The following CHSY3 variants were observed in gnomAD, a reference collection of about 807,000 sequenced individuals.
The protein encoded by CHSY3 is chondroitin sulfate synthase 3.
Under a neutral mutation model 67.2 loss-of-function variants are expected in CHSY3, and 35 were observed. The ratio of observed to expected loss-of-function variants is 0.52; its 90% CI spans 0.40 to 0.69. The LOEUF is 0.69. Among genes scored for constraint, CHSY3 ranks in the 30% least tolerant of loss-of-function variants. The pLI, the probability that CHSY3 is intolerant of heterozygous loss-of-function variation, is 0.00. For synonymous variants in CHSY3, 474 were observed against 434.7 expected (o/e 1.09, Z -1.12); for missense variants, 1,069 against 1,138.5 (o/e 0.94, Z 0.88).
At chr5:130,015,717 C>T (rs1764200934) in intron 2 of CHSY3, among the ~76,000 whole-genome samples, 1 of 152,186 alleles carries the variant, frequency 6.6e-6, no homozygotes, top group African/African-American at 2.4e-5. Context: ...TTCAACCCAT[C>T]AATCCCATTA....
At chr5:129,951,965 A>G (rs1337705950) in intron 2 of CHSY3, among the ~76,000 whole-genome samples, 1 of 152,230 alleles carries the variant, frequency 6.6e-6, no homozygotes, top group Non-Finnish European at 1.5e-5. Context: ...AAGGAATGAC[A>G]CAATCAGCCT....
intron 2 of CHSY3, among the ~76,000 whole-genome samples, chr5:129,998,102 T>C (rs545691129): frequency 9.2e-5 from 14 of 152,310 alleles, no homozygotes; most frequent in South Asian, 2.1e-4. Context: ...TCCACAATGG[T>C]TGAACTAATT....
At chr5:130,156,402 A>G (rs1208539125) in intron 2 of CHSY3, among the ~76,000 whole-genome samples, 1 of 152,234 alleles carries the variant, frequency 6.6e-6, no homozygotes, top group East Asian at 1.9e-4. Context: ...TAGTATTTAA[A>G]TAGCAATTTG....
At position 130,183,868 on chromosome 5, in the gene CHSY3, A is replaced by G. The variant is rs556704066; in HGVS notation, c.1087-361A>G. ...TGACTATAGTTAATAACTATATTATATACTTTAAAATGCTAAAAAAAGATG... is the reference window on the plus strand; with the variant it reads ...TGACTATAGTTAATAACTATATTATGTACTTTAAAATGCTAAAAAAAGATG... On this transcript the variant is annotated intron_variant, in intron 2 of 2. Transcript: ENST00000305031. Among the ~76,000 whole-genome samples the G allele has an allele frequency of 1.1e-4, 16 of 152,094 alleles. No individual in the cohort carries two copies. In the East Asian group the frequency reaches 2.9e-3, roughly 28 times the overall value.
intron 2 of CHSY3, among the ~76,000 whole-genome samples, chr5:129,985,535 C>T (rs9986267): frequency 0.53 from 80,799 of 151,306 alleles, 21,880 homozygotes; most frequent in Non-Finnish European, 0.59. Context: ...AAATGAATTT[C>T]TGAATTATTT....
At position 129,931,593 on chromosome 5, in the gene CHSY3, AGATGTGTAGGT is replaced by A. The variant is rs547584050; in HGVS notation, c.1086+23239_1086+23249del. ...AGTGGCTTTTGCTTTTCAATTTTCC[AGATGTGTAGGT>A]GATGTATAGGTGATGTATAGATATA... On this transcript the variant is annotated intron_variant, in intron 2 of 2. Transcript: ENST00000305031. Among the ~76,000 whole-genome samples, 36 of 152,252 alleles carry A rather than the reference AGATGTGTAGGT, an allele frequency of 2.4e-4. No individual in the cohort carries two copies. The East Asian group carries it at 6.2e-3, about 26-fold the overall frequency.
At position 129,965,241 on chromosome 5, in the gene CHSY3, G is replaced by A. The variant is rs560059868; in HGVS notation, c.1086+56881G>A. On this transcript the variant is annotated intron_variant, in intron 2 of 2. Transcript: ENST00000305031. ...CTGGGAAACACTGCCATTTGACATT[G>A]GGGAAGTGATGTTACCTCTTTAGAA... Among the ~76,000 whole-genome samples, 3 of 151,994 alleles carry A rather than the reference G, an allele frequency of 2.0e-5. No individual in the cohort carries two copies. In the South Asian group the frequency reaches 6.2e-4, roughly 31 times the overall value.
intron 2 of CHSY3, among the ~76,000 whole-genome samples, chr5:130,089,655 A>C (rs565031508): frequency 6.6e-6 from 1 of 152,278 alleles, no homozygotes; most frequent in Admixed American, 6.5e-5. Context: ...GAGAAACATG[A>C]TACATGAAAC....
At chr5:130,063,576 T>C (rs1364612196) in intron 2 of CHSY3, among the ~76,000 whole-genome samples, 3 of 152,208 alleles carry the variant, frequency 2.0e-5, no homozygotes, top group Non-Finnish European at 4.4e-5. Context: ...ACTCTCTTTT[T>C]ATAAATTTAG....
intron 2 of CHSY3, among the ~76,000 whole-genome samples, chr5:130,015,276 C>A (rs1308949622): frequency 1.3e-5 from 2 of 152,160 alleles, no homozygotes; most frequent in African/African-American, 4.8e-5. Context: ...GCCTCCCATA[C>A]AGCCTGTGGA....
At chr5:129,951,519 C>T (rs546196869) in intron 2 of CHSY3, among the ~76,000 whole-genome samples, 1 of 152,194 alleles carries the variant, frequency 6.6e-6, no homozygotes, top group Admixed American at 6.5e-5. Context: ...CTGTAAATTG[C>T]TTTTTTTAAA....
chr5:129,923,245 GATA>G (rs751435284), intron 2 of CHSY3, among the ~76,000 whole-genome samples: 1 of 151,854 alleles, frequency 6.6e-6, no homozygotes, highest in African/African-American at 2.4e-5. Context: ...GGATTTGGAT[GATA>G]ATAATATTCC....
chr5:130,055,639 G>GTA (rs1299764228), intron 2 of CHSY3, among the ~76,000 whole-genome samples: 1 of 152,018 alleles, frequency 6.6e-6, no homozygotes, highest in Non-Finnish European at 1.5e-5. Flanking sequence ...CACCCTAGTA[G>GTA]TATATATATG....
In CHSY3 at chr5:130,185,708, A is replaced by C. The variant is rs143863397; in HGVS notation, c.2566A>C (p.Ser856Arg). 2.0e-4 allele frequency: 329 copies of C among 1,613,718 alleles called. No homozygotes were observed. The highest frequency in any genetic ancestry group is 2.7e-4 in the Non-Finnish European group (314 of 1,179,860). ...QYKMCLGSKA[S>R]TFASTMQLAE... is the part of the protein sequence containing the mutation. Reference sequence around the variant, plus strand: ...TAAGATGTGCTTAGGATCCAAGGCAAGTACTTTCGCCTCAACCATGCAACT... The same window carrying C: ...TAAGATGTGCTTAGGATCCAAGGCACGTACTTTCGCCTCAACCATGCAACT... Residue 856 changes from serine to arginine, a missense_variant, in exon 3 of 3, where the codon AGT (serine) becomes CGT (arginine). Transcript: ENST00000305031.
At chr5:130,104,927 C>A (rs1458864391) in intron 2 of CHSY3, among the ~76,000 whole-genome samples, 2 of 151,754 alleles carry the variant, frequency 1.3e-5, no homozygotes, top group Non-Finnish European at 3.0e-5. Context: ...GCCTGAGACT[C>A]TTATTCTCAT....
At chr5:129,912,047 C>T (rs915550821) in intron 2 of CHSY3, among the ~76,000 whole-genome samples, 1 of 151,956 alleles carries the variant, frequency 6.6e-6, no homozygotes, top group Non-Finnish European at 1.5e-5. Context: ...AGCAAGACTC[C>T]GTCTCAAAGA....
intron 2 of CHSY3, among the ~76,000 whole-genome samples, chr5:130,076,712 T>A (rs554562904): frequency 6.6e-6 from 1 of 152,284 alleles, no homozygotes; most frequent in African/African-American, 2.4e-5. Context: ...TTAATAATGC[T>A]ACATTACTCC....
At chr5:130,006,804 A>G (rs529833677) in intron 2 of CHSY3, among the ~76,000 whole-genome samples, 5 of 152,304 alleles carry the variant, frequency 3.3e-5, no homozygotes, top group Middle Eastern at 3.4e-3. Flanking sequence ...TGGGTCCTCT[A>G]AAAAATTTAT....
intron 2 of CHSY3, among the ~76,000 whole-genome samples, chr5:129,949,975 C>A (rs933988103): frequency 2.6e-5 from 4 of 151,922 alleles, no homozygotes; most frequent in Non-Finnish European, 5.9e-5. Context: ...ACCATCCTGG[C>A]CAACATGGTG....
Sources: allele counts gnomAD v4.1 joint callset (sites outside exome capture counted in the v4.1 genomes callset), GRCh38; gene constraint gnomAD v4.1.1; transcripts MANE v1.5; gene names NCBI Gene and HGNC (gene_info 2026-07-23, HGNC 2026-07-21).